Variants in GRB10 observed in about 807,000 individuals in gnomAD.
GRB10 encodes the protein growth factor receptor-bound protein 10.
GRB10 carries 20 observed loss-of-function variants against 80.9 expected under a neutral mutation model. That is an observed-to-expected ratio of 0.25 (90% CI 0.17 to 0.36). The LOEUF (loss-of-function observed/expected upper bound fraction) is 0.36. GRB10 is among the 10% of genes least tolerant of loss of function. The pLI is 1.00. For synonymous variants in GRB10, 291 were observed against 291.5 expected (o/e 1.00, Z 0.02); for missense variants, 548 against 747.7 (o/e 0.73, Z 3.12).
At chr7:50,773,822 G>A (rs941825366) in intron 2 of GRB10, among the ~76,000 whole-genome samples, 1 of 152,162 alleles carries the variant, frequency 6.6e-6, no homozygotes, top group Non-Finnish European at 1.5e-5. Context: ...TAAACAAAAA[G>A]TAGTATATAC....
intron 5 of GRB10, among the ~76,000 whole-genome samples, chr7:50,692,587 C>G (rs73349011): frequency 0.012 from 1,851 of 152,192 alleles, 44 homozygotes; most frequent in African/African-American, 0.039. Context: ...GGCAGGGGCT[C>G]AGGACCTTTC....
intron 7 of GRB10, among the ~76,000 whole-genome samples, chr7:50,648,491 C>G (rs1395732492): frequency 1.3e-5 from 2 of 152,218 alleles, no homozygotes; most frequent in Non-Finnish European, 2.9e-5. Flanking sequence ...CTGCCTTAAT[C>G]TGTGAGGGAA....
At chr7:50,631,773 G>T (rs1435565576) in intron 7 of GRB10, among the ~76,000 whole-genome samples, 1 of 152,232 alleles carries the variant, frequency 6.6e-6, no homozygotes, top group Non-Finnish European at 1.5e-5. Context: ...GCTGTGCCAG[G>T]AAGGCAAAGG....
intron 3 of GRB10, among the ~76,000 whole-genome samples, chr7:50,742,271 G>A (rs57066081): frequency 0.047 from 2,220 of 46,748 alleles, 22 homozygotes; most frequent in African/African-American, 0.093. Flanking sequence ...ACGCGCGCGC[G>A]CACACACACA....
intron 7 of GRB10, 33 bp downstream of exon 7, chr7:50,669,689 C>A (rs770965122): frequency 1.2e-6 from 2 of 1,606,454 alleles, no homozygotes; most frequent in Non-Finnish European, 1.7e-6. Flanking sequence ...TGGCATATCC[C>A]TCAGCCTGGG....
At chr7:50,682,832 G>A (rs980679564) in intron 5 of GRB10, among the ~76,000 whole-genome samples, 6 of 152,188 alleles carry the variant, frequency 3.9e-5, no homozygotes, top group African/African-American at 1.4e-4. Flanking sequence ...ACATAAATCT[G>A]TTAAATCTCA....
chr7:50,672,737 C>G (rs2060494864), intron 6 of GRB10, among the ~76,000 whole-genome samples: 3 of 152,190 alleles, frequency 2.0e-5, no homozygotes, highest in Admixed American at 2.0e-4. Flanking sequence ...TCCAGCCCAC[C>G]CTCGGGCACC....
chr7:50,721,937 G>A, intron 4 of GRB10, among the ~76,000 whole-genome samples: 1 of 152,250 alleles, frequency 6.6e-6, no homozygotes, highest in East Asian at 1.9e-4. Context: ...AGAAACGGAA[G>A]AAGAAGACAG....
chr7:50,599,983 C>T (rs887117016), intron 17 of GRB10, among the ~76,000 whole-genome samples: 11 of 152,150 alleles, frequency 7.2e-5, no homozygotes, highest in Admixed American at 2.0e-4. Context: ...GGATGATGGG[C>T]GTCCTCACTG....
intron 5 of GRB10, among the ~76,000 whole-genome samples, chr7:50,679,103 T>C (rs749311526): frequency 1.1e-4 from 16 of 152,226 alleles, no homozygotes; most frequent in Non-Finnish European, 2.4e-4. Context: ...TGGCTGTCAA[T>C]CATGTTATTA....
intron 3 of GRB10, among the ~76,000 whole-genome samples, chr7:50,737,224 C>A (rs377231626): frequency 4.6e-5 from 7 of 152,196 alleles, no homozygotes; most frequent in African/African-American, 1.4e-4. Flanking sequence ...TAATCCCCAG[C>A]GTTGGAGATG....
At chr7:50,691,084 A>G (rs1179166317) in intron 5 of GRB10, among the ~76,000 whole-genome samples, 1 of 152,180 alleles carries the variant, frequency 6.6e-6, no homozygotes, top group African/African-American at 2.4e-5. Flanking sequence ...TGATCTTCAA[A>G]GTGGAAAGGA....
chr7:50,602,210 T>C (rs143542405), intron 17 of GRB10, among the ~76,000 whole-genome samples: 2 of 152,210 alleles, frequency 1.3e-5, no homozygotes, highest in Admixed American at 6.5e-5. Context: ...TCAGCTCATA[T>C]AGGAAGGAAT....
chr7:50,716,482 C>T (rs980112015), intron 4 of GRB10, among the ~76,000 whole-genome samples: 6 of 151,996 alleles, frequency 3.9e-5, no homozygotes, highest in East Asian at 1.9e-4. Flanking sequence ...AAACCCATAA[C>T]GATAAGGGAA....
chr7:50,652,360 A>G (rs1340067232), intron 7 of GRB10, among the ~76,000 whole-genome samples: 1 of 152,194 alleles, frequency 6.6e-6, no homozygotes, highest in Non-Finnish European at 1.5e-5. Context: ...GGTTCTCTTT[A>G]GTCTCTATGG....
chr7:50,706,947 C>A (rs1447783914), intron 4 of GRB10, among the ~76,000 whole-genome samples: 1 of 152,268 alleles, frequency 6.6e-6, no homozygotes, highest in Non-Finnish European at 1.5e-5. Context: ...CTTGCTTCCA[C>A]TTCTCCCATG....
chr7:50,612,392 C>G (rs2049711010), intron 13 of GRB10, among the ~76,000 whole-genome samples: 1 of 152,100 alleles, frequency 6.6e-6, no homozygotes, highest in Admixed American at 6.6e-5. Flanking sequence ...TCTCAACTGG[C>G]CGGGCGTGCG....
At chr7:50,667,840 C>T (rs2059964146) in intron 7 of GRB10, among the ~76,000 whole-genome samples, 1 of 152,086 alleles carries the variant, frequency 6.6e-6, no homozygotes, top group Non-Finnish European at 1.5e-5. Flanking sequence ...AGGCAAAATT[C>T]CCCGGTTTCC....
intron 7 of GRB10, among the ~76,000 whole-genome samples, chr7:50,664,991 G>A (rs538205168): frequency 1.9e-4 from 29 of 152,290 alleles, no homozygotes; most frequent in Non-Finnish European, 2.5e-4. Flanking sequence ...AGTCAATGAC[G>A]AGGTATTATT....
Sources: gnomAD v4.1 joint callset for allele counts (sites outside exome capture counted in the v4.1 genomes callset) on GRCh38, gnomAD v4.1.1 for gene constraint, MANE v1.5 for transcripts, NCBI Gene and HGNC (gene_info 2026-07-23, HGNC 2026-07-21) for gene names.